SALL1: variants seen among roughly 807,000 people sequenced by gnomAD.
SALL1 encodes the protein spalt like transcription factor 1.
A neutral mutation model predicts 73.1 loss-of-function variants in SALL1; 10 were observed. The ratio of observed to expected loss-of-function variants is 0.14; its 90% CI spans 0.08 to 0.23. The LOEUF is 0.23. Ranked by LOEUF, SALL1 falls within the 10% of genes least tolerant of loss-of-function variation. The pLI, the probability that SALL1 is intolerant of heterozygous loss-of-function variation, is 1.00. For synonymous variants in SALL1, 688 were observed against 689.8 expected (o/e 1.00, Z 0.04); for missense variants, 1,520 against 1,697.3 (o/e 0.90, Z 1.84).
At chr16:51,151,383 G>T (rs1244749105), upstream of SALL1, 5 of 252,240 alleles carry the variant, frequency 2.0e-5, no homozygotes, top group Non-Finnish European at 3.2e-5. Flanking sequence ...CCCCGGCCCC[G>T]GGCGCAGCGC....
rs752496655 is a variant in SALL1 at position 51,139,825 on chromosome 16, G to A, written c.2397C>T (p.Pro799=). 23 of 1,614,154 alleles carry A rather than the reference G, an allele frequency of 1.4e-5. No homozygotes were observed. Among genetic ancestry groups the A allele is most frequent in the East Asian group, 1.1e-4 (5 of 44,888 alleles). ...MGGQIPNTPV[P]DSYSESMESD... ...ACTCCATGGACTCAGAGTAGCTGTC[G>A]GGGACTGGGGTGTTGGGGATCTGGC... Residue 799 remains proline (P), a synonymous_variant, in exon 2 of 3, where the codon CCC becomes CCT. Coordinates refer to ENST00000251020, the MANE Select transcript of SALL1 (RefSeq NM_002968.3).
At chr16:51,149,311 T>A (rs4238826) in intron 1 of SALL1, 146,901 of 152,272 alleles carry the variant, frequency 0.96, 71,123 homozygotes, top group East Asian at 1. Flanking sequence ...ACACACTATA[T>A]AATGCTCTCT....
At chr16:51,150,624 G>A in intron 1 of SALL1, 2 of 973,168 alleles carry the variant, frequency 2.1e-6, no homozygotes, top group Non-Finnish European at 2.4e-6. Flanking sequence ...CGCAGGCCGA[G>A]GGGGAGTGTG....
rs1555475414 is a variant in SALL1, at chr16:51,141,732, T to TGCC, written c.487_489dup (p.Gly163dup). The TGCC allele has an allele frequency of 9.1e-4, 1,466 of 1,610,550 alleles. 1 individual carries two copies. The highest frequency in any genetic ancestry group is 2.1e-3 in the African/African-American group (157 of 74,020). Reference sequence around the variant, plus strand: ...ATCGCTGAGGTACCTGTGGAGGAGCTGCCGCCGCCGCCGCTGCTGCTGCTG... The same window carrying TGCC: ...ATCGCTGAGGTACCTGTGGAGGAGCTGCCGCCGCCGCCGCCGCTGCTGCTGCTG... On this transcript the variant is annotated inframe_insertion, in exon 2 of 3. Transcript: ENST00000251020. This position sits in a 1 kb window ranked among gnomAD's most constrained non-coding sequence, Gnocchi z 5.4.
rs1264282552 is a variant in SALL1, at chr16:51,137,524, C to T, written c.3563G>A (p.Ser1188Asn). Reference sequence around the variant, plus strand: ...CCGCCGACCCCGTCGTGCAGGGGTGCTATTCCACATGTGAGTGCCCATGTG... The same window carrying T: ...CCGCCGACCCCGTCGTGCAGGGGTGTTATTCCACATGTGAGTGCCCATGTG... ...KVHMGTHMWN[S>N]TPARRGRRLS... The change falls in exon 3 of 3, where the codon AGC (serine) becomes AAC (asparagine). Residue 1188 changes from serine (S) to asparagine (N), a missense_variant. Coordinates refer to ENST00000251020, the MANE Select transcript of SALL1 (RefSeq NM_002968.3). 1 of 1,613,320 alleles carries T rather than the reference C, an allele frequency of 6.2e-7. No homozygotes were observed. The highest frequency in any genetic ancestry group is 8.5e-7 in the Non-Finnish European group (1 of 1,179,888).
chr16:51,140,437 G>C lies in SALL1; in HGVS notation c.1785C>G (p.Ser595=), dbSNP rs768826798. Reference sequence around the variant, plus strand: ...TTCTTGTGGCTGACTCAGGGCCCCCGGAGTCACTTTTGACTGAGCCTGGGG... The same window carrying C: ...TTCTTGTGGCTGACTCAGGGCCCCCCGAGTCACTTTTGACTGAGCCTGGGG... ...TSPPGSVKSD[S]GGPESATRNL... The change falls in exon 2 of 3, where the codon TCC becomes TCG. Residue 595 remains serine (S), a synonymous_variant. Transcript: ENST00000251020. This position sits in a 1 kb window ranked among gnomAD's most constrained non-coding sequence, Gnocchi z 5.7. 6 of 1,613,756 alleles carry C rather than the reference G, an allele frequency of 3.7e-6. No homozygotes were observed. Among genetic ancestry groups the C allele is most frequent in the Non-Finnish European group, 5.1e-6 (6 of 1,179,850 alleles).
upstream of SALL1, among the ~76,000 whole-genome samples, chr16:51,151,710 T>TCTCCCTCTCCC (rs1365978275): frequency 6.7e-6 from 1 of 150,202 alleles, no homozygotes; most frequent in Non-Finnish European, 1.5e-5. Flanking sequence ...CCCCCCGCTC[T>TCTCCCTCTCCC]CTCCCTCTCC....
At position 51,136,977 on chromosome 16, in the gene SALL1, T is replaced by C; in HGVS notation, c.*135A>G. On this transcript the variant is annotated 3_prime_UTR_variant, in exon 3 of 3. Transcript: ENST00000251020. The stretch of plus-strand genomic sequence containing the variant: ...AAGTTGAACAAGGTACAAAAGAATG[T>C]CTTCATAATGTTGTAGTTCATAGAT... 2.7e-6 allele frequency: 2 copies of C among 728,670 alleles called. No individual in the cohort carries two copies. The highest frequency in any genetic ancestry group is 3.2e-5 in the South Asian group (2 of 62,456). 45.1% of individuals were successfully genotyped at this position (728,670 alleles called of 1,614,324 possible).
At chr16:51,150,731 C>T in intron 1 of SALL1, 2 of 405,062 alleles carry the variant, frequency 4.9e-6, no homozygotes, top group Non-Finnish European at 6.7e-6. Context: ...GGCCGGGCGG[C>T]GGAGGCCGGG....
chr16:51,138,169 T>C (rs1427764127), intron 2 of SALL1, among the ~76,000 whole-genome samples: 1 of 152,200 alleles, frequency 6.6e-6, no homozygotes, highest in African/African-American at 2.4e-5. Context: ...CACATATCAG[T>C]AGGAAATGCT....
In SALL1 at chr16:51,139,222, G is replaced by A; in HGVS notation, c.3000C>T (p.Asn1000=). 1.2e-6 allele frequency: 2 copies of A among 1,614,224 alleles called. No individual in the cohort carries two copies. Among genetic ancestry groups the A allele is most frequent in the Non-Finnish European group, 1.7e-6 (2 of 1,180,042 alleles). ...TTTTGCCACAAATGTCACAAGCAGT[G>A]TTTTTAAATTTACCCCGGTCTCTAA... is the stretch of plus-strand genomic sequence containing the variant. The part of the protein sequence containing the change: ...FPFRDRGKFK[N]TACDICGKTF... The change falls in exon 2 of 3, where the codon AAC becomes AAT. Residue 1000 remains asparagine (N), a synonymous_variant. Coordinates refer to ENST00000251020, the MANE Select transcript of SALL1 (RefSeq NM_002968.3).
chr16:51,146,044 A>T (rs1265334395), intron 1 of SALL1, among the ~76,000 whole-genome samples: 1 of 150,240 alleles, frequency 6.7e-6, no homozygotes, highest in Non-Finnish European at 1.5e-5. Flanking sequence ...TCTGAATCCA[A>T]ATGGAAAAGT....
chr16:51,145,242 ACG>A (rs1962499343), intron 1 of SALL1, among the ~76,000 whole-genome samples: 1 of 142,456 alleles, frequency 7.0e-6, no homozygotes, highest in Non-Finnish European at 1.6e-5. Flanking sequence ...ACACACACAC[ACG>A]TACACACGAA....
chr16:51,149,370 T>C (rs909768556), intron 1 of SALL1: 24 of 152,312 alleles, frequency 1.6e-4, no homozygotes, highest in African/African-American at 5.1e-4. Context: ...TGAACAGTTT[T>C]CCGGTGCAAA....
intron 1 of SALL1, among the ~76,000 whole-genome samples, chr16:51,148,984 C>T (rs1829576342): frequency 6.6e-6 from 1 of 151,748 alleles, no homozygotes; most frequent in Non-Finnish European, 1.5e-5. Context: ...GACAATGTAC[C>T]AGCTTTTGCG....
At chr16:51,147,897 T>A (rs1022912276) in intron 1 of SALL1, among the ~76,000 whole-genome samples, 2 of 152,042 alleles carry the variant, frequency 1.3e-5, no homozygotes, top group Non-Finnish European at 2.9e-5. Flanking sequence ...TAGATTGTAA[T>A]ATTCCCTTTC....
intron 1 of SALL1, chr16:51,150,817 C>CA: frequency 4.5e-6 from 1 of 222,552 alleles, no homozygotes; most frequent in Non-Finnish European, 8.7e-6. Flanking sequence ...CACCCGCACC[C>CA]ACGCCTCATG....
chr16:51,137,646 T>C (rs1597227083), intron 2 of SALL1, 94 bp from the exon 3 acceptor site: 1 of 959,640 alleles, frequency 1.0e-6, no homozygotes, highest in Non-Finnish European at 1.6e-6. Flanking sequence ...CTGTCTCAAC[T>C]CATATCCCAA....
Position 51,136,007 on chromosome 16 carries a change from AT to A in SALL1, c.*1104del, listed in dbSNP as rs1962289182. 1 of 152,626 alleles carries A rather than the reference AT, an allele frequency of 6.6e-6. No homozygotes were observed. The allele number at this position is 152,626 out of a possible 1,614,324, so 9.5% of individuals were successfully genotyped here. On this transcript the variant is annotated 3_prime_UTR_variant, in exon 3 of 3. Coordinates refer to ENST00000251020, the MANE Select transcript of SALL1 (RefSeq NM_002968.3). The stretch of plus-strand genomic sequence containing the variant: ...TTTTGTTTTATCTGTTGCAAAAAAA[AT>A]GTATTTGATTACTTGAGTAAAATTA...
Sources: gnomAD v4.1 joint callset for allele counts (sites outside exome capture counted in the v4.1 genomes callset) on GRCh38, gnomAD v4.1.1 for gene constraint, Gnocchi (gnomAD v3.1) non-coding constraint, MANE v1.5 for transcripts, NCBI Gene and HGNC (gene_info 2026-07-23, HGNC 2026-07-21) for gene names.